DIP2C: variants seen among roughly 807,000 people sequenced by gnomAD.
DIP2C encodes the protein disco-interacting protein 2 homolog C.
DIP2C carries 33 observed loss-of-function variants against 192.4 expected under a neutral mutation model. That is an observed-to-expected ratio of 0.17 (90% CI 0.13 to 0.23). The LOEUF (loss-of-function observed/expected upper bound fraction) is 0.23, where lower values mean the gene tolerates loss of function less well. Among genes scored for constraint, DIP2C ranks in the 10% least tolerant of loss-of-function variants. The pLI, the probability that DIP2C is intolerant of heterozygous loss-of-function variation, is 1.00. For synonymous variants in DIP2C, 979 were observed against 864.1 expected (o/e 1.13, Z -2.33); for missense variants, 1,537 against 2,110.1 (o/e 0.73, Z 5.32).
intron 1 of DIP2C, among the ~76,000 whole-genome samples, chr10:618,472 G>A (rs1040570433): frequency 1.3e-5 from 2 of 152,222 alleles, no homozygotes; most frequent in African/African-American, 2.4e-5. Context: ...GCTGTCGCTC[G>A]CACTGCAGAC....
chr10:540,432 A>G (rs1479908520), intron 1 of DIP2C, among the ~76,000 whole-genome samples: 2 of 152,216 alleles, frequency 1.3e-5, no homozygotes, highest in Non-Finnish European at 2.9e-5. Flanking sequence ...GTTCCTTTAC[A>G]CTGGGAACCA....
At chr10:509,806 G>A (rs1168176391) in intron 1 of DIP2C, among the ~76,000 whole-genome samples, 2 of 151,534 alleles carry the variant, frequency 1.3e-5, no homozygotes, top group African/African-American at 2.4e-5. Flanking sequence ...CCCACGCTTC[G>A]GCATGGAGAG....
chr10:586,947 C>T (rs1214257764), intron 1 of DIP2C, among the ~76,000 whole-genome samples: 2 of 151,810 alleles, frequency 1.3e-5, no homozygotes, highest in East Asian at 3.9e-4. Context: ...GAGGGGCAAA[C>T]AGTGCAGTGT....
intron 3 of DIP2C, among the ~76,000 whole-genome samples, chr10:466,368 C>T (rs751959170): frequency 0.016 from 2,093 of 131,410 alleles, 20 homozygotes; most frequent in Non-Finnish European, 0.024. Context: ...CCCTTCCTTA[C>T]ACCTTATACA....
intron 17 of DIP2C, among the ~76,000 whole-genome samples, chr10:378,242 G>A (rs949758265): frequency 3.3e-5 from 5 of 152,204 alleles, no homozygotes; most frequent in African/African-American, 9.7e-5. Context: ...TAAATGCCTA[G>A]GTGAAAATAC....
intron 26 of DIP2C, 103 bp from the exon 27 acceptor site, chr10:345,213 G>T: frequency 8.9e-7 from 1 of 1,125,076 alleles, no homozygotes. Context: ...AAACCATGTA[G>T]CTTTAACGGG....
chr10:491,671 C>T (rs960252922), intron 1 of DIP2C, among the ~76,000 whole-genome samples: 1 of 152,248 alleles, frequency 6.6e-6, no homozygotes, highest in African/African-American at 2.4e-5. Context: ...TAGCACCTAT[C>T]TACTTGCTGC....
intron 1 of DIP2C, among the ~76,000 whole-genome samples, chr10:609,447 C>G (rs936435197): frequency 6.6e-6 from 1 of 152,214 alleles, no homozygotes; most frequent in Non-Finnish European, 1.5e-5. Flanking sequence ...CACATCCTAT[C>G]AGGGCTGACT....
intron 1 of DIP2C, among the ~76,000 whole-genome samples, chr10:602,721 G>C (rs935762461): frequency 1.3e-5 from 2 of 152,196 alleles, no homozygotes; most frequent in African/African-American, 4.8e-5. Context: ...TGGGCCAGAG[G>C]CCTCCCGTGA....
intron 1 of DIP2C, among the ~76,000 whole-genome samples, chr10:676,408 CAAG>C (rs1330935321): frequency 6.6e-6 from 1 of 151,254 alleles, no homozygotes; most frequent in Non-Finnish European, 1.5e-5. Context: ...AAGTCCTAGT[CAAG>C]AGCAATCAGG....
intron 1 of DIP2C, among the ~76,000 whole-genome samples, chr10:548,159 A>T (rs1848386718): frequency 6.8e-6 from 1 of 147,926 alleles, no homozygotes; most frequent in Non-Finnish European, 1.5e-5. Context: ...CACCTAAAAC[A>T]AGGATTCCTG....
At chr10:511,441 T>G (rs2130772212) in intron 1 of DIP2C, among the ~76,000 whole-genome samples, 1 of 152,334 alleles carries the variant, frequency 6.6e-6, no homozygotes, top group Middle Eastern at 3.4e-3. Context: ...CCAACAAGAT[T>G]GTTTCCAAAC....
chr10:384,507 G>T (rs770457391), intron 15 of DIP2C, 39 bp downstream of exon 15: 1 of 1,600,364 alleles, frequency 6.2e-7, no homozygotes. Context: ...TAAAGCGCTG[G>T]GATTACAGGT....
intron 4 of DIP2C, among the ~76,000 whole-genome samples, chr10:427,475 C>G (rs892623453): frequency 2.6e-5 from 4 of 152,188 alleles, no homozygotes; most frequent in Non-Finnish European, 5.9e-5. Context: ...TGCTACAGAA[C>G]AGTTTGTCCT....
chr10:538,775 TTAATAC>T (rs1257539335), intron 1 of DIP2C, among the ~76,000 whole-genome samples: 13 of 152,232 alleles, frequency 8.5e-5, no homozygotes, highest in African/African-American at 3.1e-4. Context: ...ACTGTACCTA[TTAATAC>T]TATCACAATT....
chr10:558,808 G>A (rs1364995695), intron 1 of DIP2C, among the ~76,000 whole-genome samples: 1 of 152,166 alleles, frequency 6.6e-6, no homozygotes, highest in African/African-American at 2.4e-5. Flanking sequence ...AGGCAACACA[G>A]GAACAAAATA....
At chr10:668,462 A>T (rs1305938909) in intron 1 of DIP2C, 1 of 152,262 alleles carries the variant, frequency 6.6e-6, no homozygotes, top group Admixed American at 6.5e-5. Context: ...CAACATACAC[A>T]TACAACACTC....
intron 1 of DIP2C, among the ~76,000 whole-genome samples, chr10:624,507 T>G (rs1347219701): frequency 6.6e-6 from 1 of 152,152 alleles, no homozygotes; most frequent in Non-Finnish European, 1.5e-5. Context: ...GCTCTTTAAG[T>G]GCCTTTCTAG....
intron 25 of DIP2C, among the ~76,000 whole-genome samples, 185 bp downstream of exon 25, chr10:349,146 C>T (rs1050352973): frequency 3.3e-5 from 5 of 152,348 alleles, no homozygotes; most frequent in East Asian, 1.9e-4. Flanking sequence ...GTAGCACATG[C>T]GGCTGGTGCC....
Sources: allele counts gnomAD v4.1 joint callset (sites outside exome capture counted in the v4.1 genomes callset), GRCh38; gene constraint gnomAD v4.1.1; transcripts MANE v1.5; gene names NCBI Gene and HGNC (gene_info 2026-07-23, HGNC 2026-07-21).